Variants in CYB5R4 observed in about 807,000 individuals in gnomAD.
The protein encoded by CYB5R4 is N-terminal cytochrome b5 and cytochrome b5 oxidoreductase domain-containing protein.
CYB5R4 carries 55 observed loss-of-function variants against 70.2 expected under a neutral mutation model. The observed-to-expected ratio is 0.78, with a 90% CI of 0.63 to 0.98. The LOEUF (loss-of-function observed/expected upper bound fraction) is 0.98, where lower values mean the gene tolerates loss of function less well. Ranked by LOEUF, CYB5R4 falls within the 50% of genes least tolerant of loss-of-function variation. CYB5R4 has a pLI of 0.00. For synonymous variants in CYB5R4, 197 were observed against 199.5 expected (o/e 0.99, Z 0.11); for missense variants, 562 against 612.6 (o/e 0.92, Z 0.87).
rs879827246 is a variant in CYB5R4 at position 83,866,615 on chromosome 6, G to GT, written c.229+2299dup. Reference sequence around the variant, plus strand: ...AAGGTGGTTGAATTAATCATGGTTTGTTTTTTTTTTTTATAAAGGAGACAG... The same window carrying GT: ...AAGGTGGTTGAATTAATCATGGTTTGTTTTTTTTTTTTTATAAAGGAGACAG... On this transcript the variant is annotated intron_variant, in intron 2 of 15. Coordinates refer to ENST00000369681, the MANE Select transcript of CYB5R4 (RefSeq NM_016230.4). Among the ~76,000 whole-genome samples the GT allele has an allele frequency of 5.3e-3, 757 of 142,158 alleles. 4 individuals are homozygous for GT. Among genetic ancestry groups the GT allele is most frequent in the African/African-American group, 0.014 (534 of 39,108 alleles). 93.3% of individuals were successfully genotyped at this position (142,158 alleles called of 152,430 possible).
chr6:83,956,369 A>T (rs2099472426), intron 15 of CYB5R4, among the ~76,000 whole-genome samples: 2 of 152,138 alleles, frequency 1.3e-5, no homozygotes, highest in Non-Finnish European at 2.9e-5. Context: ...TCAAAGCTGG[A>T]TTGGGGGGGG....
At chr6:83,908,895 T>C (rs1179674630) in intron 3 of CYB5R4, 114 bp from the exon 4 acceptor site, 13 of 727,630 alleles carry the variant, frequency 1.8e-5, no homozygotes, top group Non-Finnish European at 2.2e-5. Context: ...TGCTTCTTAG[T>C]TTTTAGGTGT....
chr6:83,906,208 G>C (rs559161343), intron 3 of CYB5R4, among the ~76,000 whole-genome samples: 15 of 152,316 alleles, frequency 9.8e-5, no homozygotes, highest in South Asian at 8.3e-4. Context: ...CGTACCAGCT[G>C]TTCTTCAGCC....
rs2099466946 is a variant in CYB5R4 at position 83,924,413 on chromosome 6, A to ATTGTATTT, written c.692-57_692-56insTTGTATTT. 3.8e-6 allele frequency: 6 copies of ATTGTATTT among 1,569,636 alleles called. No individual in the cohort carries two copies. The African/African-American group carries it at 6.8e-5, about 18-fold the overall frequency. On this transcript the variant is annotated intron_variant, in intron 9 of 15. Coordinates refer to ENST00000369681, the MANE Select transcript of CYB5R4 (RefSeq NM_016230.4). ...TACTATTTGAGAAATACTGGTTTTAAAATAAAATCTTGTATTTAGTATCGA... is the reference window on the plus strand; with the variant it reads ...TACTATTTGAGAAATACTGGTTTTAATTGTATTTAATAAAATCTTGTATTTAGTATCGA...
At chr6:83,898,975 G>A (rs538063724) in intron 3 of CYB5R4, among the ~76,000 whole-genome samples, 2 of 152,118 alleles carry the variant, frequency 1.3e-5, no homozygotes, top group African/African-American at 2.4e-5. Flanking sequence ...CTGCCTAATT[G>A]CCCTGGCCAG....
At chr6:83,949,991 C>T (rs930415373) in intron 14 of CYB5R4, among the ~76,000 whole-genome samples, 1 of 152,112 alleles carries the variant, frequency 6.6e-6, no homozygotes, top group African/African-American at 2.4e-5. Flanking sequence ...TATTATGTAC[C>T]TGTACACATG....
intron 9 of CYB5R4, among the ~76,000 whole-genome samples, chr6:83,924,040 A>G (rs1205743288): frequency 1.5e-5 from 2 of 135,862 alleles, no homozygotes; most frequent in Non-Finnish European, 3.0e-5. Flanking sequence ...ACTGCCCTCC[A>G]GCCTGGGTGA....
chr6:83,919,341 T>C (rs1191820989), intron 6 of CYB5R4, 56 bp from the exon 7 acceptor site: 16 of 930,246 alleles, frequency 1.7e-5, no homozygotes, highest in Admixed American at 1.6e-4. Flanking sequence ...GATTAATATA[T>C]GTGAATGCAC....
At chr6:83,885,279 C>T (rs746000054) in intron 2 of CYB5R4, among the ~76,000 whole-genome samples, 5 of 152,082 alleles carry the variant, frequency 3.3e-5, no homozygotes, top group Non-Finnish European at 5.9e-5. Context: ...AAATGTTACA[C>T]TTGTGAAAGA....
intron 2 of CYB5R4, among the ~76,000 whole-genome samples, chr6:83,865,826 G>C (rs1047967595): frequency 6.6e-6 from 1 of 152,144 alleles, no homozygotes; most frequent in Non-Finnish European, 1.5e-5. Flanking sequence ...AGGTGATGAC[G>C]TAGTTTATAT....
chr6:83,893,332 G>T (rs530430245), intron 2 of CYB5R4, among the ~76,000 whole-genome samples, 190 bp from the exon 3 acceptor site: 4 of 152,270 alleles, frequency 2.6e-5, no homozygotes, highest in East Asian at 1.9e-4. Context: ...CATGAAAGTG[G>T]CAGGTTAAGT....
At chr6:83,882,759 G>A (rs1019797454) in intron 2 of CYB5R4, among the ~76,000 whole-genome samples, 1 of 152,154 alleles carries the variant, frequency 6.6e-6, no homozygotes, top group African/African-American at 2.4e-5. Flanking sequence ...AGCCCGAGGT[G>A]GGTGGATCAC....
chr6:83,930,116 C>G (rs1213068341), intron 10 of CYB5R4, among the ~76,000 whole-genome samples: 1 of 152,154 alleles, frequency 6.6e-6, no homozygotes, highest in Admixed American at 6.5e-5. Context: ...CTAAAAAATG[C>G]TAACAATCAT....
chr6:83,863,401 G>C (rs1248745120), intron 1 of CYB5R4, among the ~76,000 whole-genome samples: 2 of 152,100 alleles, frequency 1.3e-5, no homozygotes, highest in African/African-American at 4.8e-5. Context: ...GATAAACTTT[G>C]TTACTCAATG....
At chr6:83,955,541 C>T (rs2099472198) in intron 15 of CYB5R4, 79 bp downstream of exon 15, 1 of 1,333,442 alleles carries the variant, frequency 7.5e-7, no homozygotes, top group Non-Finnish European at 1.0e-6. Flanking sequence ...CTCAGTTCTT[C>T]CTGTTTATAT....
At chr6:83,911,559 C>T (rs1449506645) in intron 4 of CYB5R4, among the ~76,000 whole-genome samples, 4 of 152,108 alleles carry the variant, frequency 2.6e-5, no homozygotes. Flanking sequence ...TCAATTAATG[C>T]TCAGCATTTT....
intron 2 of CYB5R4, among the ~76,000 whole-genome samples, chr6:83,892,717 T>G (rs2099461288): frequency 6.6e-6 from 1 of 152,222 alleles, no homozygotes; most frequent in Admixed American, 6.5e-5. Flanking sequence ...TGGTCACCAT[T>G]GCTTAACCTT....
intron 14 of CYB5R4, among the ~76,000 whole-genome samples, chr6:83,944,850 A>G (rs978092182): frequency 1.2e-4 from 19 of 152,210 alleles, no homozygotes; most frequent in African/African-American, 4.6e-4. Flanking sequence ...GCATTACATA[A>G]TGCTAAAGGG....
intron 3 of CYB5R4, among the ~76,000 whole-genome samples, chr6:83,897,455 T>C (rs1238137913): frequency 6.6e-6 from 1 of 152,216 alleles, no homozygotes; most frequent in East Asian, 1.9e-4. Context: ...TAGTTCTAGA[T>C]CTCTGAGGAA....
Sources: gnomAD v4.1 joint callset for allele counts (sites outside exome capture counted in the v4.1 genomes callset) on GRCh38, gnomAD v4.1.1 for gene constraint, MANE v1.5 for transcripts, NCBI Gene and HGNC (gene_info 2026-07-23, HGNC 2026-07-21) for gene names.